TGFBR3: variants seen among roughly 807,000 people sequenced by gnomAD.
The protein encoded by TGFBR3 is transforming growth factor beta receptor type 3.
In TGFBR3, 46 loss-of-function variants were observed where a neutral mutation model predicts 87.9. The observed-to-expected ratio is 0.52, with a 90% CI of 0.41 to 0.67. The LOEUF is 0.67. TGFBR3 is among the 30% of genes least tolerant of loss of function. TGFBR3 has a pLI of 0.00. For synonymous variants in TGFBR3, 381 were observed against 391.6 expected, an observed-to-expected ratio of 0.97 and a Z score of 0.32; for missense variants, 866 against 1,041.9, an observed-to-expected ratio of 0.83 and a Z score of 2.32.
chr1:91,807,648 C>T (rs527824315), intron 2 of TGFBR3, among the ~76,000 whole-genome samples: 8 of 152,190 alleles, frequency 5.3e-5, no homozygotes, highest in Non-Finnish European at 1.0e-4. Context: ...AAACAAGATA[C>T]CACTATACAA....
chr1:91,781,395 G>C lies in TGFBR3; in HGVS notation c.246+15892C>G, dbSNP rs573083478. Among the ~76,000 whole-genome samples the C allele has an allele frequency of 5.9e-5, 9 of 152,312 alleles. No homozygotes were observed. The East Asian group carries it at 1.7e-3, about 29-fold the overall frequency. The stretch of plus-strand genomic sequence containing the variant: ...AAACTGAGCTAACTGTTCCCTCAGG[G>C]AGAAGTGAGTACTGCCTACAAGGAA... On this transcript the variant is annotated intron_variant, in intron 3 of 16. Coordinates refer to ENST00000212355, the MANE Select transcript of TGFBR3 (RefSeq NM_003243.5).
At chr1:91,903,815 A>G (rs573886797) in intron 1 of TGFBR3, among the ~76,000 whole-genome samples, 19 of 152,200 alleles carry the variant, frequency 1.2e-4, no homozygotes, top group Admixed American at 2.6e-4. Flanking sequence ...ATGAATTCTT[A>G]TGAACTGCTA....
At position 91,683,670 on chromosome 1, in the gene TGFBR3, G is replaced by T; in HGVS notation, c.*69C>A. 2 of 1,313,010 alleles carry T rather than the reference G, an allele frequency of 1.5e-6. No individual in the cohort carries two copies. The highest frequency in any genetic ancestry group is 2.1e-6 in the Non-Finnish European group (2 of 947,662). The allele number at this position is 1,313,010 out of a possible 1,614,324, so 81.3% of individuals were successfully genotyped here. On this transcript the variant is annotated 3_prime_UTR_variant, in exon 17 of 17. Transcript: ENST00000212355. ...GTCTGGACACGAGGCTCAGCCATTGGTCCTGCCCTTGGCAGTAGCTGAGCT... is the reference window on the plus strand; with the variant it reads ...GTCTGGACACGAGGCTCAGCCATTGTTCCTGCCCTTGGCAGTAGCTGAGCT...
intron 2 of TGFBR3, among the ~76,000 whole-genome samples, chr1:91,830,954 C>T (rs962265095): frequency 3.9e-5 from 6 of 152,138 alleles, no homozygotes; most frequent in South Asian, 4.1e-4. Flanking sequence ...AAGCACAACA[C>T]GCCTCCCACC....
chr1:91,904,555 T>C (rs534115259), intron 1 of TGFBR3, among the ~76,000 whole-genome samples: 24 of 144,656 alleles, frequency 1.7e-4, no homozygotes, highest in African/African-American at 5.9e-4. Flanking sequence ...TGCCACCACA[T>C]GCAGCTGATT....
At position 91,835,973 on chromosome 1, in the gene TGFBR3, G is replaced by A. The variant is rs147697896; in HGVS notation, c.61+25498C>T. Among the ~76,000 whole-genome samples the A allele has an allele frequency of 1.6e-3, 241 of 151,682 alleles. 2 individuals are homozygous for A. The highest frequency in any genetic ancestry group is 6.5e-4 in the Non-Finnish European group (44 of 67,896). ...TTAATGAGATAAAAATTCAGATGTC[G>A]GCCGTGGTTCATGCCCGTAATCCCA... On this transcript the variant is annotated intron_variant, in intron 2 of 16. Transcript: ENST00000212355.
intron 2 of TGFBR3, among the ~76,000 whole-genome samples, chr1:91,817,185 G>A (rs1034677224): frequency 6.6e-6 from 1 of 152,170 alleles, no homozygotes; most frequent in Non-Finnish European, 1.5e-5. Context: ...CCTAACTCCA[G>A]CTGGCAGTAG....
intron 2 of TGFBR3, among the ~76,000 whole-genome samples, chr1:91,800,702 CA>C (rs60115331): frequency 2.1e-3 from 290 of 134,998 alleles, no homozygotes; most frequent in Admixed American, 3.5e-3. Context: ...ACCAAAAAGA[CA>C]AAAAAAAAAA....
chr1:91,776,871 C>G (rs1322798472), intron 3 of TGFBR3, among the ~76,000 whole-genome samples: 1 of 152,164 alleles, frequency 6.6e-6, no homozygotes, highest in Non-Finnish European at 1.5e-5. Flanking sequence ...GCTAGTTGTT[C>G]CTGTTCAGGC....
At chr1:91,712,812 T>C (rs1037430382) in intron 12 of TGFBR3, among the ~76,000 whole-genome samples, 3 of 152,230 alleles carry the variant, frequency 2.0e-5, no homozygotes, top group African/African-American at 7.2e-5. Flanking sequence ...GTAAGTCTCT[T>C]CCACCTCCCA....
chr1:91,761,824 G>T (rs554796679), intron 3 of TGFBR3, among the ~76,000 whole-genome samples: 2 of 151,992 alleles, frequency 1.3e-5, no homozygotes, highest in African/African-American at 4.8e-5. Flanking sequence ...TATAGCTCAG[G>T]GTAGACTACA....
intron 6 of TGFBR3, 80 bp downstream of exon 6, chr1:91,729,725 G>C (rs965047785): frequency 6.5e-7 from 1 of 1,533,668 alleles, no homozygotes; most frequent in African/African-American, 1.4e-5. Flanking sequence ...TGTAGGACGG[G>C]CTACACCTCT....
intron 3 of TGFBR3, among the ~76,000 whole-genome samples, chr1:91,793,805 CAAAAAAA>C (rs57943201): frequency 1.6e-4 from 16 of 99,056 alleles, no homozygotes; most frequent in Non-Finnish European, 2.7e-4. Context: ...GACTCTGTCT[CAAAAAAA>C]AAAAAAAAAA....
intron 2 of TGFBR3, among the ~76,000 whole-genome samples, chr1:91,813,645 T>C (rs1182804750): frequency 6.6e-6 from 1 of 152,184 alleles, no homozygotes; most frequent in Non-Finnish European, 1.5e-5. Flanking sequence ...TGCTCCCTGG[T>C]CCAGGTCAGT....
chr1:91,821,278 C>T (rs1346265263), intron 2 of TGFBR3, among the ~76,000 whole-genome samples: 4 of 141,264 alleles, frequency 2.8e-5, no homozygotes, highest in African/African-American at 1.1e-4. Flanking sequence ...TGGAGTGAGC[C>T]GAGATCATGC....
At chr1:91,892,026 G>A (rs939280075) in intron 2 of TGFBR3, among the ~76,000 whole-genome samples, 1 of 152,102 alleles carries the variant, frequency 6.6e-6, no homozygotes, top group South Asian at 2.1e-4. Flanking sequence ...TTCAGATCTG[G>A]GGAATTCCAC....
intron 2 of TGFBR3, among the ~76,000 whole-genome samples, chr1:91,826,608 G>C (rs978118484): frequency 3.3e-5 from 5 of 152,120 alleles, no homozygotes; most frequent in African/African-American, 1.2e-4. Flanking sequence ...CAAACCGATG[G>C]CTCCTGACAG....
At chr1:91,869,781 G>A (rs1373486648) in intron 1 of TGFBR3, among the ~76,000 whole-genome samples, 2 of 152,180 alleles carry the variant, frequency 1.3e-5, no homozygotes, top group South Asian at 2.1e-4. Flanking sequence ...GCAGGAGTGC[G>A]ACCATCAGCA....
At chr1:91,749,729 A>T (rs1673470372) in intron 4 of TGFBR3, among the ~76,000 whole-genome samples, 1 of 152,180 alleles carries the variant, frequency 6.6e-6, no homozygotes, top group African/African-American at 2.4e-5. Flanking sequence ...TTATGAGCGG[A>T]ACAAGGCACA....
Sources: allele counts gnomAD v4.1 joint callset (sites outside exome capture counted in the v4.1 genomes callset), GRCh38; gene constraint gnomAD v4.1.1; transcripts MANE v1.5; gene names NCBI Gene and HGNC (gene_info 2026-07-23, HGNC 2026-07-21).